SFMBT2: variants seen among roughly 807,000 people sequenced by gnomAD.
SFMBT2 encodes Scm like with four mbt domains 2, also known as scm-like with four MBT domains protein 2.
In SFMBT2, 38 loss-of-function variants were observed where a neutral mutation model predicts 110.1. The observed-to-expected ratio is 0.35, with a 90% CI of 0.27 to 0.45. SFMBT2 has a LOEUF of 0.45. Among genes scored for constraint, SFMBT2 ranks in the 20% least tolerant of loss-of-function variants. The pLI is 1.00. For synonymous variants in SFMBT2, 425 were observed against 425.4 expected, an observed-to-expected ratio of 1.00 and a Z score of 0.01; for missense variants, 1,011 against 1,094.9, an observed-to-expected ratio of 0.92 and a Z score of 1.08.
chr10:7,215,605 T>C, intron 11 of SFMBT2: 1 of 985,308 alleles, frequency 1.0e-6, no homozygotes, highest in Non-Finnish European at 1.2e-6. Context: ...AGAACCTGGG[T>C]TCACCTGCAT....
At chr10:7,308,242 C>T (rs1842751546) in intron 4 of SFMBT2, among the ~76,000 whole-genome samples, 1 of 151,934 alleles carries the variant, frequency 6.6e-6, no homozygotes, top group Non-Finnish European at 1.5e-5. Context: ...GCCTCTAGTC[C>T]CAGCTTCTTG....
At chr10:7,308,602 C>T (rs1409072847) in intron 4 of SFMBT2, among the ~76,000 whole-genome samples, 1 of 152,146 alleles carries the variant, frequency 6.6e-6, no homozygotes, top group African/African-American at 2.4e-5. Context: ...GACCCAAGGT[C>T]ACCAACAGAA....
intron 1 of SFMBT2, among the ~76,000 whole-genome samples, chr10:7,391,465 C>CAA (rs1197734483): frequency 5.2e-4 from 42 of 81,186 alleles, no homozygotes; most frequent in African/African-American, 1.3e-3. Context: ...GACTCTGTCT[C>CAA]AAAAAAAAAA....
chr10:7,212,164 C>A (rs531914450), intron 11 of SFMBT2, among the ~76,000 whole-genome samples: 2 of 152,180 alleles, frequency 1.3e-5, no homozygotes, highest in Non-Finnish European at 2.9e-5. Flanking sequence ...ATGTGGAGGG[C>A]AGTTTGCTGG....
intron 20 of SFMBT2, among the ~76,000 whole-genome samples, chr10:7,168,088 T>C (rs1303182042): frequency 6.6e-6 from 1 of 151,618 alleles, no homozygotes; most frequent in African/African-American, 2.4e-5. Flanking sequence ...AAAGAGCAAC[T>C]TGATTCTACA....
At chr10:7,346,366 A>G (rs1844110800) in intron 4 of SFMBT2, among the ~76,000 whole-genome samples, 1 of 152,196 alleles carries the variant, frequency 6.6e-6, no homozygotes. Context: ...AACCAGATTG[A>G]AACAGAGGAC....
intron 7 of SFMBT2, among the ~76,000 whole-genome samples, chr10:7,273,326 G>A (rs1429978045): frequency 1.3e-5 from 2 of 152,134 alleles, no homozygotes; most frequent in African/African-American, 4.8e-5. Flanking sequence ...AGATTCCTAA[G>A]TTGGGTCCTA....
At chr10:7,298,045 T>C (rs1292265530) in intron 4 of SFMBT2, among the ~76,000 whole-genome samples, 1 of 152,190 alleles carries the variant, frequency 6.6e-6, no homozygotes, top group Admixed American at 6.5e-5. Context: ...CTGGAGGTGG[T>C]CGTGCTGCTG....
intron 4 of SFMBT2, among the ~76,000 whole-genome samples, chr10:7,291,959 T>A (rs1842274268): frequency 6.6e-6 from 1 of 152,106 alleles, no homozygotes; most frequent in South Asian, 2.1e-4. Flanking sequence ...AAGGTGAGCC[T>A]CCCCAGCTGC....
rs542934864 is a variant in SFMBT2 at position 7,298,259 on chromosome 10, G to C, written c.437-12305C>G. ...ACTCTGTACTTGCAGCTTCTCCTTC[G>C]AGTCTCGCTCCAAACCCTGACCATG... On this transcript the variant is annotated intron_variant, in intron 4 of 20. Transcript: ENST00000397167. Among the ~76,000 whole-genome samples the C allele has an allele frequency of 3.3e-5, 5 of 152,136 alleles. No individual in the cohort carries two copies. The East Asian group carries it at 9.6e-4, about 29-fold the overall frequency.
At position 7,172,026 on chromosome 10, in the gene SFMBT2, T is replaced by C. The variant is rs1837886671; in HGVS notation, c.2284A>G (p.Thr762Ala). Reference protein sequence around the residue: ...VPSARPRRAVTLRSGSEPVRR... With the variant: ...VPSARPRRAVALRSGSEPVRR... Reference sequence around the variant, plus strand: ...ACGGGCTCTGAGCCGCTCCGCAGGGTGACGGCCCTCCGGGGCCGGGCCGAG... The same window carrying C: ...ACGGGCTCTGAGCCGCTCCGCAGGGCGACGGCCCTCCGGGGCCGGGCCGAG... Residue 762 changes from threonine to alanine, a missense_variant, in exon 19 of 21, where the codon ACC (threonine) becomes GCC (alanine). Around this residue, in one of 2 missense-constraint regions of SFMBT2, gnomAD observed 979 missense variants for 1,016.1 expected, o/e 0.96. Coordinates refer to ENST00000397167, the MANE Select transcript of SFMBT2 (RefSeq NM_001387889.1). The surrounding 1 kb of genome is among the most constrained non-coding windows in gnomAD (Gnocchi z 4.6). The C allele has an allele frequency of 1.3e-6, 2 of 1,585,696 alleles. No individual in the cohort carries two copies. Among genetic ancestry groups the C allele is most frequent in the Non-Finnish European group, 1.7e-6 (2 of 1,167,656 alleles).
intron 1 of SFMBT2, among the ~76,000 whole-genome samples, chr10:7,403,581 G>A (rs916350233): frequency 2.6e-5 from 4 of 152,156 alleles, no homozygotes; most frequent in Non-Finnish European, 5.9e-5. Context: ...GCCAGAGGTC[G>A]CAATGAGCCG....
At chr10:7,382,607 C>T (rs180732579) in intron 1 of SFMBT2, among the ~76,000 whole-genome samples, 3 of 151,800 alleles carry the variant, frequency 2.0e-5, no homozygotes, top group African/African-American at 4.8e-5. Context: ...ACACTCCCCC[C>T]GCCTTGAAGC....
In SFMBT2 at chr10:7,164,342, T is replaced by C. The variant is rs200214920; in HGVS notation, c.2545-432A>G. 7.0e-5 allele frequency: 59 copies of C among 841,780 alleles called. No homozygotes were observed. The East Asian group carries it at 5.5e-3, about 79-fold the overall frequency. The allele number at this position is 841,780 out of a possible 1,614,324, so 52.1% of individuals were successfully genotyped here. A position where few individuals can be genotyped will look rare whatever the true frequency, so the allele number is the denominator to read the frequency against. On this transcript the variant is annotated intron_variant, in intron 20 of 20. Coordinates refer to ENST00000397167, the MANE Select transcript of SFMBT2 (RefSeq NM_001387889.1). ...TTGAGGTTGCAGTGAGCTGTGATCA[T>C]ACCACTGCCCTCCAGCCTGGGCAAC...
At position 7,176,104 on chromosome 10, in the gene SFMBT2, T is replaced by C; in HGVS notation, c.1870A>G (p.Asn624Asp). The C allele has an allele frequency of 6.2e-7, 1 of 1,614,222 alleles. No homozygotes were observed. The highest frequency in any genetic ancestry group is 1.1e-5 in the South Asian group (1 of 91,080). ...TTGGCACAGACTCGGCGGCAGAAAT[T>C]TGCGACTTGGTCAGATGTCCGTACG... Reference protein sequence around the residue: ...KIVRTSDQVANFCRRVCAKLE... With the variant: ...KIVRTSDQVADFCRRVCAKLE... Residue 624 changes from asparagine (N) to aspartate (D), a missense_variant, in exon 17 of 21, where the codon AAT (asparagine) becomes GAT (aspartate). By Grantham distance (23) the Asn-to-Asp change is conservative. This residue lies in a region of SFMBT2 where 979 missense variants were observed against 1,016.1 expected (regional missense o/e 0.96). Transcript: ENST00000397167.
intron 10 of SFMBT2, 119 bp from the exon 11 acceptor site, chr10:7,220,656 C>G (rs547476495): frequency 9.7e-7 from 1 of 1,033,496 alleles, no homozygotes; most frequent in South Asian, 1.5e-5. Context: ...GACAGGCTCA[C>G]GTATGTGTTT....
intron 8 of SFMBT2, among the ~76,000 whole-genome samples, chr10:7,244,343 G>A (rs12265026): frequency 0.018 from 2,671 of 152,212 alleles, 70 homozygotes; most frequent in African/African-American, 0.061. Context: ...CTCACTCTGC[G>A]CTCCTAAAAT....
intron 11 of SFMBT2, chr10:7,206,211 A>G: frequency 1.0e-6 from 1 of 985,442 alleles, no homozygotes. Context: ...AAAGTAAAAG[A>G]GGAAGAAGGA....
chr10:7,357,680 C>T (rs547073016), intron 4 of SFMBT2, among the ~76,000 whole-genome samples: 274 of 152,310 alleles, frequency 1.8e-3, no homozygotes, highest in Non-Finnish European at 3.4e-3. Context: ...CCAAATTAAC[C>T]TCTGAATAAT....
Sources: gnomAD v4.1 joint callset for allele counts (sites outside exome capture counted in the v4.1 genomes callset) on GRCh38, gnomAD v4.1.1 for gene constraint, gnomAD v4.1.1 regional missense constraint, Gnocchi (gnomAD v3.1) non-coding constraint, MANE v1.5 for transcripts, NCBI Gene and HGNC (gene_info 2026-07-23, HGNC 2026-07-21) for gene names.